The following ZMAT4 variants were observed in gnomAD, a reference collection of about 807,000 sequenced individuals.
ZMAT4 encodes the protein zinc finger matrin-type protein 4.
A neutral mutation model predicts 28.7 loss-of-function variants in ZMAT4; 17 were observed. The observed-to-expected ratio is 0.59, with a 90% CI of 0.41 to 0.89. The LOEUF (loss-of-function observed/expected upper bound fraction) is 0.89, where lower values mean the gene tolerates loss of function less well. Ranked by LOEUF, ZMAT4 falls within the 40% of genes least tolerant of loss-of-function variation. The pLI is 0.00. For missense variants in ZMAT4, 240 were observed against 283.8 expected, an observed-to-expected ratio of 0.85 and a Z score of 1.11; for synonymous variants, 117 against 109.2, an observed-to-expected ratio of 1.07 and a Z score of -0.44.
Position 40,694,129 on chromosome 8 carries a change from C to T in ZMAT4, c.349+3116G>A, listed in dbSNP as rs537251141. 1.1e-4 allele frequency among the ~76,000 whole-genome samples: 16 copies of T among 152,178 alleles called. 1 individual carries two copies. Among genetic ancestry groups the T allele is most frequent in the Admixed American group, 7.8e-4 (12 of 15,298 alleles). ...AGCCAGCTTGGTTAATTAGGCAGAG[C>T]GGTTCCTAGAGGAGCACAAGGCAGC... On this transcript the variant is annotated intron_variant, in intron 4 of 6. Coordinates refer to ENST00000297737, the MANE Select transcript of ZMAT4 (RefSeq NM_024645.3).
intron 6 of ZMAT4, among the ~76,000 whole-genome samples, chr8:40,571,634 C>G (rs1804102713): frequency 6.6e-6 from 1 of 152,122 alleles, no homozygotes; most frequent in African/African-American, 2.4e-5. Flanking sequence ...TGACACACCA[C>G]AAGTCTTACT....
intron 1 of ZMAT4, among the ~76,000 whole-genome samples, chr8:40,843,563 A>T (rs1424894781): frequency 1.3e-5 from 2 of 152,200 alleles, no homozygotes; most frequent in African/African-American, 4.8e-5. Context: ...TGGTCTTTCT[A>T]AAGCAGCAGC....
intron 3 of ZMAT4, among the ~76,000 whole-genome samples, chr8:40,708,231 C>G (rs1373016344): frequency 1.3e-5 from 2 of 152,148 alleles, no homozygotes; most frequent in Admixed American, 1.3e-4. Context: ...CAGGTATTCA[C>G]AGAAAGCCTG....
chr8:40,768,562 T>C (rs1813257189), intron 2 of ZMAT4, among the ~76,000 whole-genome samples: 1 of 152,134 alleles, frequency 6.6e-6, no homozygotes, highest in Admixed American at 6.5e-5. Context: ...TCATCACACA[T>C]TCAGAATCTG....
At chr8:40,699,649 G>GA (rs1810047191) in intron 3 of ZMAT4, among the ~76,000 whole-genome samples, 1 of 150,818 alleles carries the variant, frequency 6.6e-6, no homozygotes, top group South Asian at 2.1e-4. Context: ...CCATAAAAAA[G>GA]AATGAAATCA....
chr8:40,665,270 A>T (rs1808363095), intron 5 of ZMAT4, among the ~76,000 whole-genome samples: 1 of 150,242 alleles, frequency 6.7e-6, no homozygotes. Flanking sequence ...CCTCTCAACC[A>T]CCAGGTTCTG....
At chr8:40,650,103 C>T (rs918140222) in intron 5 of ZMAT4, among the ~76,000 whole-genome samples, 8 of 151,894 alleles carry the variant, frequency 5.3e-5, no homozygotes, top group Non-Finnish European at 1.0e-4. Flanking sequence ...AATAGAGACA[C>T]AAAAAACCCT....
chr8:40,828,688 A>C (rs1427540299), intron 1 of ZMAT4, among the ~76,000 whole-genome samples: 1 of 152,200 alleles, frequency 6.6e-6, no homozygotes, highest in Admixed American at 6.5e-5. Context: ...ATGACACCTG[A>C]GTGGAATATC....
At chr8:40,541,696 T>G (rs1345518335) in intron 6 of ZMAT4, among the ~76,000 whole-genome samples, 2 of 152,174 alleles carry the variant, frequency 1.3e-5, no homozygotes, top group African/African-American at 4.8e-5. Context: ...ATCAATCCAC[T>G]GATTTTTCCC....
chr8:40,873,835 AT>A (rs1256987367), intron 1 of ZMAT4, among the ~76,000 whole-genome samples: 1 of 152,186 alleles, frequency 6.6e-6, no homozygotes, highest in Admixed American at 6.5e-5. Flanking sequence ...GTTTTTGATG[AT>A]GTAAATTCCA....
chr8:40,842,334 C>T (rs75190028), intron 1 of ZMAT4, among the ~76,000 whole-genome samples: 338 of 152,312 alleles, frequency 2.2e-3, no homozygotes, highest in African/African-American at 7.6e-3. Flanking sequence ...ACTCCAAATC[C>T]GGGGGTCTTT....
chr8:40,713,617 T>C (rs1810716933), intron 3 of ZMAT4, among the ~76,000 whole-genome samples: 1 of 151,902 alleles, frequency 6.6e-6, no homozygotes, highest in Non-Finnish European at 1.5e-5. Flanking sequence ...AAAAGAAATA[T>C]ACATATCCAG....
At chr8:40,572,617 C>T (rs1017430345) in intron 6 of ZMAT4, among the ~76,000 whole-genome samples, 1 of 152,070 alleles carries the variant, frequency 6.6e-6, no homozygotes, top group Admixed American at 6.6e-5. Context: ...ACTCACAGTG[C>T]GTTTACATTT....
intron 6 of ZMAT4, among the ~76,000 whole-genome samples, chr8:40,571,152 A>G (rs10504027): frequency 0.11 from 16,958 of 152,064 alleles, 1,228 homozygotes; most frequent in Admixed American, 0.2. Flanking sequence ...AACAATATTA[A>G]GTGTCATCGG....
chr8:40,652,041 A>C (rs1807688454), intron 5 of ZMAT4, among the ~76,000 whole-genome samples: 1 of 57,752 alleles, frequency 1.7e-5, no homozygotes, highest in Admixed American at 2.0e-4. Context: ...TCATGTCTAA[A>C]ACACCAAAAG....
At chr8:40,702,842 A>G (rs1438257500) in intron 3 of ZMAT4, among the ~76,000 whole-genome samples, 15 of 152,210 alleles carry the variant, frequency 9.9e-5, no homozygotes, top group Admixed American at 9.8e-4. Context: ...GAGAGAGAGA[A>G]AATTCACTGG....
At chr8:40,674,518 G>T in intron 5 of ZMAT4, 186 bp downstream of exon 5, 1 of 581,086 alleles carries the variant, frequency 1.7e-6, no homozygotes, top group East Asian at 2.8e-5. Context: ...TTGAAACAAA[G>T]GAGATTATAA....
At chr8:40,588,391 G>C (rs1223643917) in intron 5 of ZMAT4, among the ~76,000 whole-genome samples, 1 of 151,992 alleles carries the variant, frequency 6.6e-6, no homozygotes, top group African/African-American at 2.4e-5. Context: ...TACAGAACTT[G>C]TATCCAGAAT....
chr8:40,767,915 C>T (rs1813230467), intron 2 of ZMAT4, among the ~76,000 whole-genome samples, 185 bp from the exon 3 acceptor site: 1 of 152,054 alleles, frequency 6.6e-6, no homozygotes, highest in African/African-American at 2.4e-5. Context: ...AGTTCTAAAG[C>T]CAATGTAATT....
Sources: gnomAD v4.1 joint callset for allele counts (sites outside exome capture counted in the v4.1 genomes callset) on GRCh38, gnomAD v4.1.1 for gene constraint, MANE v1.5 for transcripts, NCBI Gene and HGNC (gene_info 2026-07-23, HGNC 2026-07-21) for gene names.